The following STARD9 variants were observed in gnomAD, a reference collection of about 807,000 sequenced individuals.
STARD9 encodes stAR-related lipid transfer protein 9.
A neutral mutation model predicts 399.8 loss-of-function variants in STARD9; 346 were observed. That is an observed-to-expected ratio of 0.87 (90% CI 0.79 to 0.95). The LOEUF (loss-of-function observed/expected upper bound fraction) is 0.95, where lower values mean the gene tolerates loss of function less well. Ranked by LOEUF, STARD9 falls within the 40% of genes least tolerant of loss-of-function variation. STARD9 has a pLI of 0.00. For missense variants in STARD9, 5,832 were observed against 5,667.5 expected (o/e 1.03, Z -0.93); for synonymous variants, 2,203 against 2,143.5 (o/e 1.03, Z -0.77).
intron 15 of STARD9, among the ~76,000 whole-genome samples, chr15:42,668,476 A>G (rs1877138): frequency 0.027 from 4,106 of 151,894 alleles, 167 homozygotes; most frequent in African/African-American, 0.087. Context: ...AGTACCCTAC[A>G]TTTATCACTG....
At chr15:42,663,680 C>T (rs2060033057) in intron 12 of STARD9, 140 bp from the exon 13 acceptor site, 1 of 708,924 alleles carries the variant, frequency 1.4e-6, no homozygotes, top group African/African-American at 1.8e-5. Context: ...GGTACTCTAT[C>T]TCAGAGAAAG....
At chr15:42,718,718 C>T (rs1156521216) in intron 31 of STARD9, 34 bp from the exon 32 acceptor site, 5 of 1,535,036 alleles carry the variant, frequency 3.3e-6, no homozygotes, top group Non-Finnish European at 4.4e-6. Flanking sequence ...GTCCACACTA[C>T]ACAGGCAGGA....
At chr15:42,633,864 G>A (rs980292649) in intron 3 of STARD9, among the ~76,000 whole-genome samples, 16 of 151,746 alleles carry the variant, frequency 1.1e-4, no homozygotes, top group African/African-American at 2.7e-4. Context: ...GGCCTGTCTC[G>A]AACTCCTGAC....
chr15:42,587,803 G>C (rs777556814), intron 3 of STARD9, among the ~76,000 whole-genome samples: 3 of 152,156 alleles, frequency 2.0e-5, no homozygotes, highest in Non-Finnish European at 2.9e-5. Flanking sequence ...GACCTCAGGT[G>C]ATCCGCTCAC....
intron 9 of STARD9, among the ~76,000 whole-genome samples, chr15:42,660,881 A>G (rs1041017645): frequency 2.0e-5 from 3 of 151,764 alleles, no homozygotes; most frequent in African/African-American, 7.3e-5. Flanking sequence ...TGCCACTGAA[A>G]GTTGTGCTCA....
rs934123173 is a variant in STARD9, at chr15:42,704,668, G to A, written c.13284+8788G>A. On this transcript the variant is annotated intron_variant, in intron 26 of 32. Transcript: ENST00000290607. The stretch of plus-strand genomic sequence containing the variant: ...GATGGACCTGAGTAAGACCCAGGGA[G>A]AGTTCCCCACCTCGTGTGGTAATGC... 3.3e-5 allele frequency among the ~76,000 whole-genome samples: 5 copies of A among 152,202 alleles called. No homozygotes were observed. In the South Asian group the frequency reaches 8.3e-4, roughly 25 times the overall value.
intron 3 of STARD9, among the ~76,000 whole-genome samples, chr15:42,622,242 C>T (rs1227507631): frequency 1.3e-5 from 2 of 152,038 alleles, no homozygotes; most frequent in East Asian, 1.9e-4. Flanking sequence ...CACTGCACTC[C>T]AGCCTGGGAG....
intron 3 of STARD9, among the ~76,000 whole-genome samples, chr15:42,613,689 G>A (rs76906844): frequency 0.028 from 4,263 of 152,248 alleles, 131 homozygotes; most frequent in East Asian, 0.14. Flanking sequence ...TATCGGCTGG[G>A]CGAGATGGCT....
chr15:42,686,865 A>G lies in STARD9; in HGVS notation c.5287A>G (p.Ile1763Val), dbSNP rs1489414393. 1 of 1,537,060 alleles carries G rather than the reference A, an allele frequency of 6.5e-7. No individual in the cohort carries two copies. Among genetic ancestry groups the G allele is most frequent in the East Asian group, 2.4e-5 (1 of 40,918 alleles). Residue 1763 changes from isoleucine to valine, a missense_variant, in exon 23 of 33, where the codon ATT becomes GTT. Around this residue, in one of 2 missense-constraint regions of STARD9, gnomAD observed 5,828 missense variants for 5,651.1 expected, o/e 1.03. Coordinates refer to ENST00000290607, the MANE Select transcript of STARD9 (RefSeq NM_020759.3). ...RDALTETALE[I>V]PACREVRVPS... ...TGCCCTGACAGAAACTGCCTTAGAG[A>G]TTCCAGCTTGCAGAGAAGTAAGGGT...
intron 26 of STARD9, among the ~76,000 whole-genome samples, chr15:42,696,673 T>C (rs1300592557): frequency 1.3e-5 from 2 of 152,156 alleles, no homozygotes; most frequent in African/African-American, 2.4e-5. Flanking sequence ...GAGAGATGAT[T>C]GCTTGCTTCA....
In STARD9 at chr15:42,718,130, C is replaced by T. The variant is rs999599195; in HGVS notation, c.13713C>T (p.Pro4571=). ...CTGTGTGGCCCCTGTATTACAAGCCCATCCAGACAGCAAGGCTGCATCAGC... is the reference window on the plus strand; with the variant it reads ...CTGTGTGGCCCCTGTATTACAAGCCTATCCAGACAGCAAGGCTGCATCAGC... ...DPTVWPLYYK[P]IQTARLHQRV... Residue 4571 remains proline, a synonymous_variant, in exon 30 of 33, where the codon CCC becomes CCT. Coordinates refer to ENST00000290607, the MANE Select transcript of STARD9 (RefSeq NM_020759.3). The T allele has an allele frequency of 1.3e-6, 2 of 1,537,094 alleles. No homozygotes were observed. The highest frequency in any genetic ancestry group is 2.7e-5 in the African/African-American group (2 of 73,022).
intron 7 of STARD9, among the ~76,000 whole-genome samples, chr15:42,649,862 C>CG (rs1555397138): frequency 8.4e-5 from 9 of 107,228 alleles, no homozygotes; most frequent in African/African-American, 3.6e-4. Flanking sequence ...CGAGCCTGGC[C>CG]TTTTTTTTTT....
rs1566940936 is a variant in STARD9, at chr15:42,688,583, G to A, written c.7005G>A (p.Leu2335=). ...TTCACCAAGACCTGAGTAATACCTT[G>A]CCCTTGAATTCTCCAAGGTGGCCAA... ...APLHQDLSNT[L]PLNSPRWPRR... The change falls in exon 23 of 33, where the codon TTG becomes TTA. Residue 2335 remains leucine (L), a synonymous_variant. Coordinates refer to ENST00000290607, the MANE Select transcript of STARD9 (RefSeq NM_020759.3). The A allele has an allele frequency of 1.3e-6, 2 of 1,537,576 alleles. No individual in the cohort carries two copies. The highest frequency in any genetic ancestry group is 1.7e-6 in the Non-Finnish European group (2 of 1,147,018).
chr15:42,619,361 G>A (rs550483327), intron 3 of STARD9, among the ~76,000 whole-genome samples: 184 of 151,826 alleles, frequency 1.2e-3, no homozygotes, highest in African/African-American at 4.1e-3. Flanking sequence ...TTTTAAGACG[G>A]GATTTTCAGC....
chr15:42,719,771 T>C lies in STARD9; in HGVS notation c.*197T>C. The stretch of plus-strand genomic sequence containing the variant: ...AGTACTTGGTCACAGCTGGCACCAG[T>C]GCAGAGCAAACGGCCTGAGCTCCTG... On this transcript the variant is annotated 3_prime_UTR_variant, in exon 33 of 33. Coordinates refer to ENST00000290607, the MANE Select transcript of STARD9 (RefSeq NM_020759.3). The C allele has an allele frequency of 1.8e-6, 1 of 566,722 alleles. No homozygotes were observed. The highest frequency in any genetic ancestry group is 3.0e-5 in the East Asian group (1 of 33,700). The allele number at this position is 566,722 out of a possible 1,614,324, so 35.1% of individuals were successfully genotyped here.
chr15:42,663,863 A>C lies in STARD9; in HGVS notation c.1122A>C (p.Thr374=), dbSNP rs763540610. The C allele has an allele frequency of 7.8e-6, 12 of 1,537,084 alleles. No homozygotes were observed. The South Asian group carries it at 1.4e-4, about 18-fold the overall frequency. ...CTAGCTACAGTGAGACCATGAGCAC[A>C]CTGAGATATGCATCCAGTGCCAAAA... The part of the protein sequence containing the change: ...AHTSYSETMS[T]LRYASSAKNI... The change falls in exon 13 of 33, where the codon ACA becomes ACC. Residue 374 remains threonine (T), a synonymous_variant. Transcript: ENST00000290607.
chr15:42,653,491 C>T (rs1891985060), intron 9 of STARD9, among the ~76,000 whole-genome samples: 1 of 152,154 alleles, frequency 6.6e-6, no homozygotes, highest in South Asian at 2.1e-4. Flanking sequence ...CATAGTTAAA[C>T]TGTTGAAAGA....
chr15:42,646,557 T>C (rs2059649674), intron 7 of STARD9, among the ~76,000 whole-genome samples: 1 of 152,226 alleles, frequency 6.6e-6, no homozygotes, highest in Admixed American at 6.5e-5. Context: ...TCAGCCTTCA[T>C]AGCATTGAAG....
chr15:42,718,015 A>G lies in STARD9; in HGVS notation c.13598A>G (p.Lys4533Arg), dbSNP rs2061382633. 3 of 1,537,040 alleles carry G rather than the reference A, an allele frequency of 2.0e-6. No individual in the cohort carries two copies. The highest frequency in any genetic ancestry group is 1.7e-6 in the Non-Finnish European group (2 of 1,146,886). The change falls in exon 30 of 33, where the codon AAG (lysine) becomes AGG (arginine). Residue 4533 changes from lysine to arginine, a missense_variant. Physicochemically the swap from Lys to Arg is conservative, Grantham distance 26. Around this residue, in one of 2 missense-constraint regions of STARD9, gnomAD observed 5,828 missense variants for 5,651.1 expected, o/e 1.03. Coordinates refer to ENST00000290607, the MANE Select transcript of STARD9 (RefSeq NM_020759.3). The part of the protein sequence containing the change: ...GEEQAVQLYY[K>R]VFSPTRHGFL... ...GAGCAGGCGGTGCAGCTTTACTACA[A>G]GGTGTTTTCTCCCACTCGGCATGGC...
Sources: allele counts gnomAD v4.1 joint callset (sites outside exome capture counted in the v4.1 genomes callset), GRCh38; gene constraint gnomAD v4.1.1; regional missense constraint gnomAD v4.1.1; transcripts MANE v1.5; gene names NCBI Gene and HGNC (gene_info 2026-07-23, HGNC 2026-07-21).